PKD1L3: variants seen among roughly 807,000 people sequenced by gnomAD.
PKD1L3 encodes the protein polycystin 1 like 3, transient receptor potential channel interacting.
PKD1L3 carries 239 observed loss-of-function variants against 184.1 expected under a neutral mutation model. The ratio of observed to expected loss-of-function variants is 1.30; its 90% CI spans 1.17 to 1.45. The LOEUF is 1.45. Ranked by LOEUF, PKD1L3 falls within the 40% of genes most tolerant of loss-of-function variation. The pLI is 0.00. For missense variants in PKD1L3, 2,660 were observed against 2,067.2 expected (o/e 1.29, Z -5.56); for synonymous variants, 996 against 778.8 (o/e 1.28, Z -4.64).
At chr16:71,935,256 C>T in intron 26 of PKD1L3, 102 bp downstream of exon 26, 1 of 1,247,908 alleles carries the variant, frequency 8.0e-7, no homozygotes, top group South Asian at 1.6e-5. Context: ...TAATGTTATG[C>T]AAATACAGAT....
At chr16:71,958,822 C>T (rs1305326354) in intron 16 of PKD1L3, among the ~76,000 whole-genome samples, 1 of 144,314 alleles carries the variant, frequency 6.9e-6, no homozygotes, top group East Asian at 2.1e-4. Flanking sequence ...CACGGTGGCT[C>T]ACACCTGTAA....
chr16:71,953,155 C>T, intron 17 of PKD1L3, 62 bp from the exon 18 acceptor site: 1 of 1,313,886 alleles, frequency 7.6e-7, no homozygotes, highest in Non-Finnish European at 1.0e-6. Context: ...CAAAGTCATT[C>T]CTCTCCTAGG....
chr16:71,992,728 T>C (rs1230402187), intron 3 of PKD1L3, among the ~76,000 whole-genome samples: 1 of 152,254 alleles, frequency 6.6e-6, no homozygotes, highest in African/African-American at 2.4e-5. Context: ...ATCTAACATT[T>C]GCAGCTGTGA....
chr16:71,993,838 G>T (rs564622584), intron 2 of PKD1L3, among the ~76,000 whole-genome samples: 2 of 152,246 alleles, frequency 1.3e-5, no homozygotes, highest in African/African-American at 2.4e-5. Flanking sequence ...GCAATGGCAC[G>T]ATCTGGGCTC....
At chr16:71,968,499 G>A (rs1477862295) in intron 13 of PKD1L3, among the ~76,000 whole-genome samples, 1 of 152,206 alleles carries the variant, frequency 6.6e-6, no homozygotes, top group Non-Finnish European at 1.5e-5. Flanking sequence ...ATTTCCAAGT[G>A]CAAGAAAACA....
At chr16:71,979,750 C>A in intron 9 of PKD1L3, 36 bp downstream of exon 9, 2 of 1,467,542 alleles carry the variant, frequency 1.4e-6, no homozygotes, top group South Asian at 3.0e-5. Flanking sequence ...CATCAGATCC[C>A]ATTTTCATTC....
At chr16:71,979,274 C>T (rs546498864) in intron 9 of PKD1L3, among the ~76,000 whole-genome samples, 7 of 151,992 alleles carry the variant, frequency 4.6e-5, no homozygotes, top group Non-Finnish European at 7.4e-5. Context: ...CGAAACCCCG[C>T]CTCTACTAAA....
In PKD1L3 at chr16:71,967,261, C is replaced by G. The variant is rs1257718535; in HGVS notation, c.2341G>C (p.Asp781His). 1 of 1,551,470 alleles carries G rather than the reference C, an allele frequency of 6.4e-7. No individual in the cohort carries two copies. The highest frequency in any genetic ancestry group is 1.4e-5 in the African/African-American group (1 of 73,020). ...EGRSEPHHLCDPQKTVFERGG... is the reference protein window; with the variant it reads ...EGRSEPHHLCHPQKTVFERGG... ...CGTTCAAAGACTGTCTTCTGGGGGT[C>G]ACAGAGGTGATGGGGCTCACTCCGT... The change falls in exon 15 of 30, where the codon GAC becomes CAC. Residue 781 changes from aspartate to histidine, a missense_variant. By Grantham distance (81) the Asp-to-His change is moderately conservative. Coordinates refer to ENST00000620267, the MANE Select transcript of PKD1L3 (RefSeq NM_181536.2).
At chr16:71,964,458 C>G (rs937100211) in intron 15 of PKD1L3, among the ~76,000 whole-genome samples, 2 of 150,714 alleles carry the variant, frequency 1.3e-5, no homozygotes, top group African/African-American at 4.9e-5. Context: ...CCTGCCTCAG[C>G]CTCCCAAGTA....
At chr16:71,988,635 C>T (rs12600132) in intron 4 of PKD1L3, among the ~76,000 whole-genome samples, 71,700 of 152,054 alleles carry the variant, frequency 0.47, 18,438 homozygotes, top group African/African-American at 0.67. Context: ...TCTTCTCTTC[C>T]AGCAACATAT....
At chr16:71,937,463 T>C (rs1366215040) in intron 24 of PKD1L3, 44 bp from the exon 25 acceptor site, 4 of 1,535,594 alleles carry the variant, frequency 2.6e-6, no homozygotes, top group Non-Finnish European at 3.5e-6. Flanking sequence ...TCTAAAACTT[T>C]TGCCCTCTTC....
At chr16:71,929,932 T>A in intron 29 of PKD1L3, 120 bp downstream of exon 29, 1 of 1,248,726 alleles carries the variant, frequency 8.0e-7, no homozygotes, top group South Asian at 1.7e-5. Context: ...CTTTTGAAAC[T>A]AATAAAGGGA....
chr16:71,967,147 T>G lies in PKD1L3; in HGVS notation c.2455A>C (p.Ser819Arg). 6.4e-7 allele frequency: 1 copy of G among 1,551,606 alleles called. No homozygotes were observed. Among genetic ancestry groups the G allele is most frequent in the East Asian group, 2.4e-5 (1 of 40,922 alleles). The change falls in exon 15 of 30, where the codon AGT becomes CGT. Residue 819 changes from serine (S) to arginine (R), a missense_variant. Ser to Arg is a moderately radical substitution (Grantham distance 110). Transcript: ENST00000620267. ...GATATAAGTACTCACCAGGAGGGAC[T>G]GACGCCAGAATTGTCATGCCAGAGC... Reference protein sequence around the residue: ...LRLWHDNSGVSPSWYVSQVIV... With the variant: ...LRLWHDNSGVRPSWYVSQVIV...
chr16:71,964,974 G>A (rs2039445235), intron 15 of PKD1L3, among the ~76,000 whole-genome samples: 1 of 151,564 alleles, frequency 6.6e-6, no homozygotes, highest in African/African-American at 2.4e-5. Flanking sequence ...AGCCCCCCAA[G>A]TAGCTGGGAG....
chr16:71,974,657 C>G (rs568333760), intron 11 of PKD1L3, among the ~76,000 whole-genome samples: 1 of 152,276 alleles, frequency 6.6e-6, no homozygotes, highest in East Asian at 1.9e-4. Flanking sequence ...GCGCTCCACC[C>G]TGGGCGACAC....
At chr16:71,956,493 C>T (rs1214531523) in intron 16 of PKD1L3, among the ~76,000 whole-genome samples, 1 of 151,828 alleles carries the variant, frequency 6.6e-6, no homozygotes, top group East Asian at 1.9e-4. Context: ...GCACCCGGCC[C>T]AAAAAGGAAG....
Position 71,949,588 on chromosome 16 carries a change from A to C in PKD1L3, c.3618+195T>G, listed in dbSNP as rs2038750720. 2.0e-5 allele frequency among the ~76,000 whole-genome samples: 3 copies of C among 152,110 alleles called. No individual in the cohort carries two copies. In the South Asian group the frequency reaches 6.2e-4, roughly 32 times the overall value. ...GGCTGGTCTCGAACACCTGGACTCAAGCAATCTGCCTGCCTTGGCCTCCCA... is the reference window on the plus strand; with the variant it reads ...GGCTGGTCTCGAACACCTGGACTCACGCAATCTGCCTGCCTTGGCCTCCCA... On this transcript the variant is annotated intron_variant, in intron 21 of 29. Transcript: ENST00000620267.
chr16:71,987,833 GGAGA>G (rs140634557), intron 4 of PKD1L3, among the ~76,000 whole-genome samples: 1 of 152,026 alleles, frequency 6.6e-6, no homozygotes, highest in African/African-American at 2.4e-5. Context: ...TTGAATACAG[GGAGA>G]GAGAGAGCTC....
At position 71,942,883 on chromosome 16, in the gene PKD1L3, CA is replaced by C; in HGVS notation, c.4000del (p.Trp1334GlyfsTer32). Reference sequence around the variant, plus strand: ...GCTAGGAAGAAGGATATGATTGGCCCAGGGGTAGAAATCCTGAAGAAGTTTG... The same window carrying C: ...GCTAGGAAGAAGGATATGATTGGCCCGGGGTAGAAATCCTGAAGAAGTTTG... ...EIKLLQDFYP[W>X]ANHILLPSLY... is the part of the protein sequence containing the mutation. On this transcript the variant is annotated frameshift_variant, in exon 24 of 30. Coordinates refer to ENST00000620267, the MANE Select transcript of PKD1L3 (RefSeq NM_181536.2). LOFTEE classifies it high-confidence loss of function. The C allele has an allele frequency of 6.4e-7, 1 of 1,551,538 alleles. No individual in the cohort carries two copies. Among genetic ancestry groups the C allele is most frequent in the Non-Finnish European group, 8.7e-7 (1 of 1,146,936 alleles).
Sources: allele counts gnomAD v4.1 joint callset (sites outside exome capture counted in the v4.1 genomes callset), GRCh38; gene constraint gnomAD v4.1.1; transcripts MANE v1.5; gene names NCBI Gene and HGNC (gene_info 2026-07-23, HGNC 2026-07-21).